Variants in PSMD1 observed in about 807,000 individuals in gnomAD.
PSMD1 encodes the protein 26S proteasome non-ATPase regulatory subunit 1.
In PSMD1, 18 loss-of-function variants were observed where a neutral mutation model predicts 119.0. The ratio of observed to expected loss-of-function variants is 0.15; its 90% CI spans 0.10 to 0.22. The LOEUF is 0.22. Among genes scored for constraint, PSMD1 ranks in the 10% least tolerant of loss-of-function variants. PSMD1 has a pLI of 1.00. For synonymous variants in PSMD1, 374 were observed against 396.6 expected (o/e 0.94, Z 0.68); for missense variants, 702 against 1,158.5 (o/e 0.61, Z 5.72).
chr2:231,167,022 A>G (rs914709783), intron 23 of PSMD1, among the ~76,000 whole-genome samples: 2 of 152,240 alleles, frequency 1.3e-5, no homozygotes, highest in African/African-American at 4.8e-5. Flanking sequence ...TGTAAAATTG[A>G]TATGGTAATG....
At position 231,138,953 on chromosome 2, in the gene PSMD1, TC is replaced by T. The variant is rs750958322; in HGVS notation, c.1998+104del. On this transcript the variant is annotated intron_variant, in intron 17 of 24. Coordinates refer to ENST00000308696, the MANE Select transcript of PSMD1 (RefSeq NM_002807.4). The stretch of plus-strand genomic sequence containing the variant: ...CTGTAAAAATACAAGTGCAATGTGA[TC>T]TGTAAGAGTAAACTTGCCATACAAA... The T allele has an allele frequency of 8.2e-6, 7 of 856,908 alleles. No individual in the cohort carries two copies. In the South Asian group the frequency reaches 1.0e-4, roughly 12 times the overall value. 53.1% of individuals were successfully genotyped at this position (856,908 alleles called of 1,614,324 possible).
chr2:231,165,841 G>A (rs2303350), intron 22 of PSMD1, 30 bp from the exon 23 acceptor site: 550,904 of 1,516,890 alleles, frequency 0.36, 112,160 homozygotes, highest in African/African-American at 0.82. Context: ...ATGAACTTCT[G>A]TTGAACTTTT....
chr2:231,071,521 G>A (rs113919169), intron 6 of PSMD1, among the ~76,000 whole-genome samples: 3 of 151,984 alleles, frequency 2.0e-5, no homozygotes. Context: ...ATCATTCAGT[G>A]TATGTACTTT....
intron 7 of PSMD1, 107 bp downstream of exon 7, chr2:231,072,522 C>T (rs1694065598): frequency 9.9e-7 from 1 of 1,014,992 alleles, no homozygotes; most frequent in Admixed American, 2.4e-5. Flanking sequence ...AATTTTGCCA[C>T]TAGCTTTCAT....
intron 16 of PSMD1, among the ~76,000 whole-genome samples, chr2:231,111,159 A>G (rs545239180): frequency 6.6e-6 from 1 of 152,234 alleles, no homozygotes; most frequent in South Asian, 2.1e-4. Flanking sequence ...TGACCCTTCT[A>G]AGACCTTAAT....
intron 16 of PSMD1, chr2:231,113,661 G>A (rs1695232685): frequency 3.6e-6 from 5 of 1,370,952 alleles, no homozygotes; most frequent in South Asian, 3.5e-5. Context: ...TACCAGACCT[G>A]GTATTCTCCT....
intron 5 of PSMD1, among the ~76,000 whole-genome samples, chr2:231,067,786 A>G (rs1027891957): frequency 6.6e-6 from 1 of 151,954 alleles, no homozygotes; most frequent in African/African-American, 2.4e-5. Flanking sequence ...CTTCCTGAAT[A>G]GCTGGGATTA....
rs16827795 is a variant in PSMD1, at chr2:231,113,375, T to C, written c.1884-25361T>C. Among the ~76,000 whole-genome samples the C allele has an allele frequency of 7.3e-3, 1,114 of 152,318 alleles. 22 individuals carry two copies. The highest frequency in any genetic ancestry group is 0.026 in the African/African-American group (1,070 of 41,568). On this transcript the variant is annotated intron_variant, in intron 16 of 24. Transcript: ENST00000308696. The stretch of plus-strand genomic sequence containing the variant: ...TGCATTTCTTGTTATTTTAATGTAA[T>C]TACAGGATTCCAAATGCTAGCTAGA...
At chr2:231,060,880 C>T (rs549010502) in intron 1 of PSMD1, among the ~76,000 whole-genome samples, 2 of 152,094 alleles carry the variant, frequency 1.3e-5, no homozygotes, top group Non-Finnish European at 2.9e-5. Flanking sequence ...GTAAATTAGG[C>T]CAATGGTTCT....
At chr2:231,135,847 A>C (rs1432626746) in intron 16 of PSMD1, among the ~76,000 whole-genome samples, 2 of 152,200 alleles carry the variant, frequency 1.3e-5, no homozygotes, top group African/African-American at 4.8e-5. Context: ...CATACAAGGA[A>C]GTTTAGGCAA....
chr2:231,081,841 AC>A (rs746829582), intron 12 of PSMD1, among the ~76,000 whole-genome samples: 29 of 152,250 alleles, frequency 1.9e-4, no homozygotes, highest in Admixed American at 5.2e-4. Context: ...TCCATTAGAT[AC>A]CTTTTTCTCC....
At position 231,080,167 on chromosome 2, in the gene PSMD1, A is replaced by G. The variant is rs906613900; in HGVS notation, c.1266A>G (p.Leu422=). The G allele has an allele frequency of 2.1e-5, 34 of 1,612,766 alleles. No individual in the cohort carries two copies. Among genetic ancestry groups the G allele is most frequent in the Non-Finnish European group, 2.9e-5 (34 of 1,179,502 alleles). The change falls in exon 12 of 25, where the codon TTA becomes TTG. Residue 422 remains leucine (L), a synonymous_variant. Coordinates refer to ENST00000308696, the MANE Select transcript of PSMD1 (RefSeq NM_002807.4). ...HKGHEKEALQ[L]MATYLPKDTS... is the part of the protein sequence containing the mutation. ...GTCATGAAAAAGAAGCATTACAGTT[A>G]ATGGCAACATACCTTCCCAAGGATA...
chr2:231,088,079 C>T (rs1276052344), intron 16 of PSMD1, among the ~76,000 whole-genome samples: 1 of 152,110 alleles, frequency 6.6e-6, no homozygotes, highest in African/African-American at 2.4e-5. Flanking sequence ...GCCTCAGTTT[C>T]CTTGTCTTTA....
At chr2:231,099,020 C>G (rs113620960) in intron 16 of PSMD1, among the ~76,000 whole-genome samples, 4 of 152,234 alleles carry the variant, frequency 2.6e-5, no homozygotes, top group African/African-American at 9.6e-5. Context: ...TGGGAGGGAA[C>G]AGGCTGATGG....
At chr2:231,146,645 C>T (rs1394304578) in intron 18 of PSMD1, among the ~76,000 whole-genome samples, 1 of 151,978 alleles carries the variant, frequency 6.6e-6, no homozygotes, top group Admixed American at 6.5e-5. Flanking sequence ...CTTTTTTTGC[C>T]TTTCACTGTC....
intron 19 of PSMD1, among the ~76,000 whole-genome samples, chr2:231,156,397 A>T (rs1010878169): frequency 6.6e-6 from 1 of 152,094 alleles, no homozygotes; most frequent in Non-Finnish European, 1.5e-5. Flanking sequence ...TTTATGTTGT[A>T]CATTTTATGG....
intron 16 of PSMD1, among the ~76,000 whole-genome samples, chr2:231,128,588 C>G (rs920766694): frequency 6.6e-5 from 10 of 152,232 alleles, no homozygotes; most frequent in Admixed American, 2.6e-4. Flanking sequence ...TCTTTCTTTT[C>G]ATCCATCCTA....
In PSMD1 at chr2:231,082,960, A is replaced by G. The variant is rs773665574; in HGVS notation, c.1491A>G (p.Leu497=). 4 of 1,614,020 alleles carry G rather than the reference A, an allele frequency of 2.5e-6. No homozygotes were observed. The highest frequency in any genetic ancestry group is 2.2e-5 in the East Asian group (1 of 44,874). The change falls in exon 13 of 25, where the codon CTA becomes CTG. Residue 497 remains leucine (L), a synonymous_variant. Coordinates refer to ENST00000308696, the MANE Select transcript of PSMD1 (RefSeq NM_002807.4). ...GTARQDVYDL[L]KTNLYQDDAV... The stretch of plus-strand genomic sequence containing the variant: ...CACGTCAAGATGTTTATGATTTGCT[A>G]AAAACAAACCTTTATCAGGATGATG...
chr2:231,086,232 C>T (rs1694436867), intron 15 of PSMD1, among the ~76,000 whole-genome samples: 1 of 152,074 alleles, frequency 6.6e-6, no homozygotes, highest in Non-Finnish European at 1.5e-5. Context: ...TTTGTGTAGA[C>T]AGGGTCTCGC....
Sources: gnomAD v4.1 joint callset for allele counts (sites outside exome capture counted in the v4.1 genomes callset) on GRCh38, gnomAD v4.1.1 for gene constraint, MANE v1.5 for transcripts, NCBI Gene and HGNC (gene_info 2026-07-23, HGNC 2026-07-21) for gene names.